The following TMTC2 variants were observed in gnomAD, a reference collection of about 807,000 sequenced individuals.
TMTC2 encodes protein O-mannosyl-transferase TMTC2.
Under a neutral mutation model 82.4 loss-of-function variants are expected in TMTC2, and 43 were observed. That is an observed-to-expected ratio of 0.52 (90% CI 0.41 to 0.67). The LOEUF (loss-of-function observed/expected upper bound fraction) is 0.67, where lower values mean the gene tolerates loss of function less well. Among genes scored for constraint, TMTC2 ranks in the 30% least tolerant of loss-of-function variants. The probability of loss-of-function intolerance (pLI) is 0.00; values close to 1 mark genes in which losing one functional copy is unlikely to be tolerated. For missense variants in TMTC2, 919 were observed against 1,012.4 expected (o/e 0.91, Z 1.25); for synonymous variants, 408 against 381.9 (o/e 1.07, Z -0.80).
chr12:82,878,042 T>C (rs770830795), intron 2 of TMTC2, among the ~76,000 whole-genome samples: 2 of 152,220 alleles, frequency 1.3e-5, no homozygotes, highest in African/African-American at 4.8e-5. Flanking sequence ...AAGATTCTGG[T>C]GTATCTAAAA....
At chr12:82,943,626 A>G in intron 4 of TMTC2, among the ~76,000 whole-genome samples, 1 of 152,342 alleles carries the variant, frequency 6.6e-6, no homozygotes, top group Admixed American at 6.5e-5. Context: ...AAAATCCTCA[A>G]TTCTTATAGC....
At chr12:82,913,235 G>A (rs752747910) in intron 3 of TMTC2, among the ~76,000 whole-genome samples, 1 of 152,068 alleles carries the variant, frequency 6.6e-6, no homozygotes, top group Non-Finnish European at 1.5e-5. Flanking sequence ...GGCAGTTGAT[G>A]AAGTCACTAA....
chr12:83,013,280 C>G (rs1880540391), intron 8 of TMTC2, among the ~76,000 whole-genome samples: 1 of 152,090 alleles, frequency 6.6e-6, no homozygotes, highest in Non-Finnish European at 1.5e-5. Context: ...TTTAAAACAT[C>G]TAAATCTGAA....
intron 2 of TMTC2, among the ~76,000 whole-genome samples, chr12:82,858,998 G>A (rs546458811): frequency 6.6e-5 from 10 of 151,822 alleles, no homozygotes; most frequent in South Asian, 4.2e-4. Context: ...AGGTTATGAT[G>A]TATTTGAGGA....
At chr12:83,073,132 C>A (rs534526136) in intron 11 of TMTC2, among the ~76,000 whole-genome samples, 3 of 151,634 alleles carry the variant, frequency 2.0e-5, no homozygotes, top group South Asian at 2.1e-4. Context: ...TTCCAGGATT[C>A]TTTTCAAGAT....
intron 2 of TMTC2, among the ~76,000 whole-genome samples, chr12:82,876,266 G>A (rs1429018756): frequency 1.3e-5 from 2 of 151,094 alleles, no homozygotes; most frequent in African/African-American, 4.9e-5. Flanking sequence ...TGATGGGATG[G>A]TAGTGTGTTT....
At chr12:82,799,395 G>A (rs1465655871) in intron 1 of TMTC2, among the ~76,000 whole-genome samples, 2 of 152,136 alleles carry the variant, frequency 1.3e-5, no homozygotes, top group Non-Finnish European at 2.9e-5. Flanking sequence ...ACGTGGAAAG[G>A]TAGAAAAGAA....
chr12:82,703,658 C>G (rs1424151821), intron 1 of TMTC2, among the ~76,000 whole-genome samples: 2 of 152,092 alleles, frequency 1.3e-5, no homozygotes, highest in East Asian at 3.9e-4. Flanking sequence ...GCCACCGTGC[C>G]TAGCTAATTT....
At chr12:83,061,920 G>GT (rs1341770884) in intron 11 of TMTC2, 89 bp downstream of exon 11, 2 of 1,051,538 alleles carry the variant, frequency 1.9e-6, no homozygotes, top group African/African-American at 1.7e-5. Context: ...CTGGTTTTTT[G>GT]TTTTTTGTTT....
At position 82,930,440 on chromosome 12, in the gene TMTC2, A is replaced by T; in HGVS notation, c.1493A>T (p.Asn498Ile). 1 of 1,583,768 alleles carries T rather than the reference A, an allele frequency of 6.3e-7. No individual in the cohort carries two copies. The part of the protein sequence containing the change: ...IKVNPAKAWG[N>I]LGNVLKSQSK... ...TTTTTCTTCTTGGCAGCATGGGGTA[A>T]CCTTGGAAATGTTCTGAAGAGTCAG... The change falls in exon 4 of 12, where the codon AAC (asparagine) becomes ATC (isoleucine). Residue 498 changes from asparagine to isoleucine, a missense_variant. Coordinates refer to ENST00000321196, the MANE Select transcript of TMTC2 (RefSeq NM_152588.3).
At chr12:82,884,758 A>C (rs988996371) in intron 2 of TMTC2, among the ~76,000 whole-genome samples, 19 of 152,228 alleles carry the variant, frequency 1.2e-4, no homozygotes, top group Admixed American at 1.2e-3. Context: ...GAGCTGATAC[A>C]TTATTATATC....
chr12:82,829,519 A>G (rs1175466610), intron 1 of TMTC2, among the ~76,000 whole-genome samples: 1 of 152,118 alleles, frequency 6.6e-6, no homozygotes, highest in African/African-American at 2.4e-5. Context: ...TCTTAAAAAT[A>G]TTTACAGTGA....
intron 11 of TMTC2, among the ~76,000 whole-genome samples, chr12:83,101,866 G>C (rs944129078): frequency 6.6e-5 from 10 of 152,206 alleles, no homozygotes; most frequent in Non-Finnish European, 2.9e-5. Flanking sequence ...CACTAAGATA[G>C]AGGAAGATCT....
intron 1 of TMTC2, among the ~76,000 whole-genome samples, chr12:82,816,996 T>C (rs1868776612): frequency 6.6e-6 from 1 of 151,100 alleles, no homozygotes; most frequent in African/African-American, 2.4e-5. Flanking sequence ...AGATGGAGTT[T>C]CACTCTTGTC....
Position 82,919,830 on chromosome 12 carries a change from A to C in TMTC2, c.1484-10601A>C, listed in dbSNP as rs138112944. On this transcript the variant is annotated intron_variant, in intron 3 of 11. Transcript: ENST00000321196. ...GATATAGGGGTTGGGCTCTCAAGAC[A>C]CTGAGAACTGCCACGCCCATGGCTT... Among the ~76,000 whole-genome samples, 3 of 152,356 alleles carry C rather than the reference A, an allele frequency of 2.0e-5. No homozygotes were observed. The East Asian group carries it at 5.8e-4, about 29-fold the overall frequency.
At chr12:82,852,737 T>C (rs1871049416) in intron 1 of TMTC2, among the ~76,000 whole-genome samples, 1 of 152,210 alleles carries the variant, frequency 6.6e-6, no homozygotes, top group African/African-American at 2.4e-5. Flanking sequence ...TTTGAATGAC[T>C]CCCTTTTTCT....
Position 82,965,672 on chromosome 12 carries a change from T to G in TMTC2, c.1797T>G (p.His599Gln). ...CAGATGAAAACCTAAAGGACCCTCA[T>G]GCACACAAGAGCTCTGTTACCAGTT... is the stretch of plus-strand genomic sequence containing the variant. Reference protein sequence around the residue: ...EIPDENLKDPHAHKSSVTSCL... With the variant: ...EIPDENLKDPQAHKSSVTSCL... The change falls in exon 6 of 12, where the codon CAT (histidine) becomes CAG (glutamine). Residue 599 changes from histidine to glutamine, a missense_variant. By Grantham distance (24) the His-to-Gln change is conservative. Coordinates refer to ENST00000321196, the MANE Select transcript of TMTC2 (RefSeq NM_152588.3). 6.2e-7 allele frequency: 1 copy of G among 1,613,882 alleles called. No homozygotes were observed. The highest frequency in any genetic ancestry group is 8.5e-7 in the Non-Finnish European group (1 of 1,179,824).
At chr12:82,801,195 C>G (rs1376676204) in intron 1 of TMTC2, among the ~76,000 whole-genome samples, 3 of 152,010 alleles carry the variant, frequency 2.0e-5, no homozygotes, top group African/African-American at 7.2e-5. Flanking sequence ...TCACTGACTT[C>G]AAGAATGAAG....
At chr12:82,786,801 G>T (rs1471537947) in intron 1 of TMTC2, among the ~76,000 whole-genome samples, 1 of 152,058 alleles carries the variant, frequency 6.6e-6, no homozygotes, top group African/African-American at 2.4e-5. Flanking sequence ...TGTGAAGTCG[G>T]AACCACTCCA....
Sources: gnomAD v4.1 joint callset for allele counts (sites outside exome capture counted in the v4.1 genomes callset) on GRCh38, gnomAD v4.1.1 for gene constraint, MANE v1.5 for transcripts, NCBI Gene and HGNC (gene_info 2026-07-23, HGNC 2026-07-21) for gene names.